Variants in ACBD6 observed in about 807,000 individuals in gnomAD.
The protein encoded by ACBD6 is acyl-CoA binding domain containing 6.
ACBD6 carries 28 observed loss-of-function variants against 37.2 expected under a neutral mutation model. That is an observed-to-expected ratio of 0.75 (90% CI 0.56 to 1.03). The LOEUF is 1.03. Ranked by LOEUF, ACBD6 falls within the 50% of genes least tolerant of loss-of-function variation. ACBD6 has a pLI of 0.00. For missense variants in ACBD6, 340 were observed against 337.4 expected, an observed-to-expected ratio of 1.01 and a Z score of -0.06; for synonymous variants, 113 against 126.8, an observed-to-expected ratio of 0.89 and a Z score of 0.73.
At chr1:180,370,061 G>A (rs1223836150) in intron 6 of ACBD6, among the ~76,000 whole-genome samples, 1 of 152,140 alleles carries the variant, frequency 6.6e-6, no homozygotes, top group Non-Finnish European at 1.5e-5. Flanking sequence ...AACACATTAA[G>A]TGATGTGCCA....
At chr1:180,489,555 T>C (rs1185050047) in intron 3 of ACBD6, among the ~76,000 whole-genome samples, 2 of 151,720 alleles carry the variant, frequency 1.3e-5, no homozygotes, top group African/African-American at 4.8e-5. Context: ...AATTAAAGAA[T>C]ATGAAAGTGC....
chr1:180,355,283 C>G (rs1170999000), intron 6 of ACBD6, among the ~76,000 whole-genome samples: 3 of 152,208 alleles, frequency 2.0e-5, no homozygotes, highest in Admixed American at 1.3e-4. Context: ...GGCTCCCAAC[C>G]TTATGCTCTT....
At chr1:180,303,947 T>C (rs1162688188) in intron 7 of ACBD6, among the ~76,000 whole-genome samples, 1 of 150,902 alleles carries the variant, frequency 6.6e-6, no homozygotes, top group Non-Finnish European at 1.5e-5. Context: ...CAAGGCTGGT[T>C]CAACATACGC....
At chr1:180,361,176 G>A (rs573797046) in intron 6 of ACBD6, among the ~76,000 whole-genome samples, 1 of 152,062 alleles carries the variant, frequency 6.6e-6, no homozygotes, top group African/African-American at 2.4e-5. Context: ...CAGTCAAAAG[G>A]GTTTTAATTT....
In ACBD6 at chr1:180,443,918, C is replaced by T. The variant is rs936132212; in HGVS notation, c.385-13656G>A. ...GATTATAGGTGTGAGCCATCGTGCC[C>T]GGCCATTTCCCTTCTTTTGTAACTT... On this transcript the variant is annotated intron_variant, in intron 3 of 7. Transcript: ENST00000367595. 3.9e-5 allele frequency among the ~76,000 whole-genome samples: 6 copies of T among 151,946 alleles called. No individual in the cohort carries two copies. The East Asian group carries it at 5.8e-4, about 15-fold the overall frequency.
intron 3 of ACBD6, among the ~76,000 whole-genome samples, chr1:180,442,499 G>T (rs1292485049): frequency 1.3e-5 from 2 of 152,094 alleles, no homozygotes; most frequent in Non-Finnish European, 2.9e-5. Flanking sequence ...CTGGTTTATA[G>T]TTTATGAACT....
intron 3 of ACBD6, among the ~76,000 whole-genome samples, chr1:180,481,238 G>A (rs79085331): frequency 0.019 from 2,231 of 119,946 alleles, 24 homozygotes; most frequent in Non-Finnish European, 0.03. Flanking sequence ...GAAGGCGCTT[G>A]TTTTTGATTT....
intron 2 of ACBD6, among the ~76,000 whole-genome samples, 185 bp from the exon 3 acceptor site, chr1:180,492,550 C>A (rs1420987924): frequency 6.6e-6 from 1 of 152,096 alleles, no homozygotes; most frequent in Non-Finnish European, 1.5e-5. Flanking sequence ...ACCTTATTGC[C>A]CTACCTAAGC....
chr1:180,270,271 G>C (rs1648565026), exon 14 of ACBD6: 1 of 152,270 alleles, frequency 6.6e-6, no homozygotes. Context: ...GTTTCTAAGA[G>C]AGGGTTTTCT....
chr1:180,460,009 T>G (rs1353202813), intron 3 of ACBD6, among the ~76,000 whole-genome samples: 3 of 150,802 alleles, frequency 2.0e-5, no homozygotes, highest in African/African-American at 7.3e-5. Flanking sequence ...ACTTTAAGTT[T>G]TAGGGTACAT....
At chr1:180,393,696 GC>G (rs1221906212) in intron 6 of ACBD6, among the ~76,000 whole-genome samples, 1 of 152,164 alleles carries the variant, frequency 6.6e-6, no homozygotes, top group Non-Finnish European at 1.5e-5. Context: ...ATCTCCAGAA[GC>G]CCTCTGACTT....
chr1:180,435,957 A>C (rs1649019254), intron 3 of ACBD6: 3 of 1,172,884 alleles, frequency 2.6e-6, no homozygotes, highest in African/African-American at 1.5e-5. Context: ...AATACTGTAC[A>C]ATTGTTTAAT....
At chr1:180,379,571 CAG>C (rs1179657359) in intron 6 of ACBD6, among the ~76,000 whole-genome samples, 1 of 151,890 alleles carries the variant, frequency 6.6e-6, no homozygotes, top group African/African-American at 2.4e-5. Flanking sequence ...AAGAACTAAA[CAG>C]AAATTCTGAA....
chr1:180,435,814 C>T, intron 3 of ACBD6: 1 of 977,758 alleles, frequency 1.0e-6, no homozygotes, highest in Non-Finnish European at 1.7e-6. Flanking sequence ...ATAACTCCAG[C>T]CTGATGGGTT....
chr1:180,291,782 A>G (rs1323322683), intron 7 of ACBD6, among the ~76,000 whole-genome samples: 1 of 152,070 alleles, frequency 6.6e-6, no homozygotes, highest in Non-Finnish European at 1.5e-5. Flanking sequence ...GATCACAAAG[A>G]TATTCTTCTA....
intron 3 of ACBD6, among the ~76,000 whole-genome samples, chr1:180,455,100 G>A (rs916718073): frequency 1.3e-5 from 2 of 152,158 alleles, no homozygotes. Context: ...ATTCACAATA[G>A]CAAAGACTTG....
At chr1:180,308,683 TCA>T (rs1558243286) in intron 7 of ACBD6, among the ~76,000 whole-genome samples, 2 of 152,180 alleles carry the variant, frequency 1.3e-5, no homozygotes, top group African/African-American at 4.8e-5. Context: ...GTGCAGGATC[TCA>T]GTTTTGAGTC....
At chr1:180,329,253 C>T (rs530493808) in intron 6 of ACBD6, among the ~76,000 whole-genome samples, 1 of 152,198 alleles carries the variant, frequency 6.6e-6, no homozygotes. Context: ...TTACAGTGCA[C>T]TAAGGTATAT....
intron 6 of ACBD6, among the ~76,000 whole-genome samples, chr1:180,321,746 T>A (rs921071372): frequency 6.6e-6 from 1 of 152,154 alleles, no homozygotes; most frequent in Non-Finnish European, 1.5e-5. Flanking sequence ...TGTTTATCAG[T>A]TCTAATTGTT....
Sources: gnomAD v4.1 joint callset for allele counts (sites outside exome capture counted in the v4.1 genomes callset) on GRCh38, gnomAD v4.1.1 for gene constraint, MANE v1.5 for transcripts, NCBI Gene and HGNC (gene_info 2026-07-23, HGNC 2026-07-21) for gene names.